Variants in DLGAP4 observed in about 807,000 individuals in gnomAD.
DLGAP4 encodes DLG associated protein 4.
DLGAP4 carries 18 observed loss-of-function variants against 86.9 expected under a neutral mutation model. That is an observed-to-expected ratio of 0.21 (90% CI 0.14 to 0.31). The LOEUF (loss-of-function observed/expected upper bound fraction) is 0.31. DLGAP4 is among the 10% of genes least tolerant of loss of function. The probability of loss-of-function intolerance (pLI) is 1.00; values close to 1 mark genes in which losing one functional copy is unlikely to be tolerated. For synonymous variants in DLGAP4, 548 were observed against 574.3 expected, an observed-to-expected ratio of 0.95 and a Z score of 0.65; for missense variants, 1,085 against 1,362.6, an observed-to-expected ratio of 0.80 and a Z score of 3.21.
rs376605518 is a variant in DLGAP4 at position 36,478,401 on chromosome 20, T to C, written c.1649-18304T>C. 2.3e-4 allele frequency among the ~76,000 whole-genome samples: 35 copies of C among 152,342 alleles called. 1 individual carries two copies. The East Asian group carries it at 6.0e-3, about 26-fold the overall frequency. On this transcript the variant is annotated intron_variant, in intron 7 of 12. Transcript: ENST00000339266. ...GGAAAGGACTATGAAGGGCAATTGATGTCACAGGTCTCTTTGTGAGAGCAG... is the reference window on the plus strand; with the variant it reads ...GGAAAGGACTATGAAGGGCAATTGACGTCACAGGTCTCTTTGTGAGAGCAG...
chr20:36,479,427 CAG>C lies in DLGAP4; in HGVS notation c.1649-17277_1649-17276del, dbSNP rs574523155. On this transcript the variant is annotated intron_variant, in intron 7 of 12. Transcript: ENST00000339266. ...GATGCCACCCTGCCTTCAGGAGGCT[CAG>C]GGTCTAAAGGAGGAAGCAGAAAAGT... Among the ~76,000 whole-genome samples, 14 of 152,134 alleles carry C rather than the reference CAG, an allele frequency of 9.2e-5. No individual in the cohort carries two copies. The East Asian group carries it at 2.7e-3, about 29-fold the overall frequency.
At chr20:36,312,373 A>ACG (rs1404365065) in intron 1 of DLGAP4, among the ~76,000 whole-genome samples, 52 of 149,366 alleles carry the variant, frequency 3.5e-4, no homozygotes, top group African/African-American at 1.2e-3. Context: ...GCGCGAACAC[A>ACG]CGCACACACA....
At chr20:36,339,650 G>C (rs151169726) in intron 1 of DLGAP4, among the ~76,000 whole-genome samples, 1 of 152,340 alleles carries the variant, frequency 6.6e-6, no homozygotes, top group East Asian at 1.9e-4. Context: ...GCCCAACCCA[G>C]TGTGTGTTTT....
chr20:36,360,257 C>T (rs1400855455), intron 1 of DLGAP4, among the ~76,000 whole-genome samples: 2 of 152,178 alleles, frequency 1.3e-5, no homozygotes, highest in Non-Finnish European at 2.9e-5. Context: ...GGTATCTGAC[C>T]CCAGGCTGTT....
chr20:36,440,750 C>T (rs2033423928), intron 5 of DLGAP4, among the ~76,000 whole-genome samples: 1 of 152,010 alleles, frequency 6.6e-6, no homozygotes, highest in Non-Finnish European at 1.5e-5. Context: ...AAAAGGCACC[C>T]CCCATCGTGT....
chr20:36,526,131 C>A, intron 12 of DLGAP4, 125 bp downstream of exon 12: 1 of 1,392,720 alleles, frequency 7.2e-7, no homozygotes, highest in Non-Finnish European at 1.0e-6. Context: ...TGGGGTCTCA[C>A]ATCCATCACT....
intron 1 of DLGAP4, among the ~76,000 whole-genome samples, chr20:36,361,224 C>T (rs1275734034): frequency 7.9e-5 from 12 of 152,206 alleles, no homozygotes; most frequent in Admixed American, 6.5e-4. Flanking sequence ...GAGGGAACTC[C>T]GTCAGTGCTA....
At chr20:36,429,136 G>A (rs191228564) in intron 2 of DLGAP4, among the ~76,000 whole-genome samples, 22 of 152,310 alleles carry the variant, frequency 1.4e-4, no homozygotes, top group African/African-American at 4.1e-4. Context: ...CTGGAGTGCA[G>A]TGGCACAATC....
chr20:36,372,684 A>C lies in DLGAP4; in HGVS notation c.-73+5409A>C, dbSNP rs552362179. Among the ~76,000 whole-genome samples the C allele has an allele frequency of 2.0e-5, 3 of 152,334 alleles. No individual in the cohort carries two copies. The South Asian group carries it at 6.2e-4, about 32-fold the overall frequency. On this transcript the variant is annotated intron_variant, in intron 2 of 12. Coordinates refer to ENST00000339266, the MANE Select transcript of DLGAP4 (RefSeq NM_001365621.2). ...CATAAATAATCCGGCAACTGCAAACATATGCATTTTGCAAGTAAGTTCACT... is the reference window on the plus strand; with the variant it reads ...CATAAATAATCCGGCAACTGCAAACCTATGCATTTTGCAAGTAAGTTCACT...
intron 7 of DLGAP4, among the ~76,000 whole-genome samples, chr20:36,479,779 C>T (rs563168841): frequency 2.6e-5 from 4 of 152,088 alleles, no homozygotes; most frequent in African/African-American, 9.6e-5. Context: ...AGTGCGGTGT[C>T]GAGGGGCTGG....
At chr20:36,315,598 G>A (rs1380262255) in intron 1 of DLGAP4, among the ~76,000 whole-genome samples, 1 of 152,042 alleles carries the variant, frequency 6.6e-6, no homozygotes, top group African/African-American at 2.4e-5. Context: ...AAAGCCAGTG[G>A]CCATCACTGA....
At chr20:36,521,482 C>T (rs1314297311) in intron 10 of DLGAP4, among the ~76,000 whole-genome samples, 1 of 152,300 alleles carries the variant, frequency 6.6e-6, no homozygotes, top group African/African-American at 2.4e-5. Flanking sequence ...AAGCCAGACA[C>T]AGGTCCCCAC....
intron 1 of DLGAP4, among the ~76,000 whole-genome samples, chr20:36,330,245 C>T (rs2147357185): frequency 6.6e-6 from 1 of 152,208 alleles, no homozygotes; most frequent in African/African-American, 2.4e-5. Context: ...ATGGGCCAGG[C>T]CAGAGGAGGG....
chr20:36,467,017 CCT>C (rs55778929), intron 7 of DLGAP4, among the ~76,000 whole-genome samples: 3,366 of 50,266 alleles, frequency 0.067, 217 homozygotes, highest in South Asian at 0.13. Flanking sequence ...CTCTCTCTCT[CCT>C]CTCTCTCTCT....
At chr20:36,509,519 CG>C (rs1355489985) in intron 10 of DLGAP4, among the ~76,000 whole-genome samples, 10 of 151,696 alleles carry the variant, frequency 6.6e-5, no homozygotes, top group Non-Finnish European at 1.3e-4. Context: ...TGCACTGAGC[CG>C]AGATCACACC....
intron 10 of DLGAP4, among the ~76,000 whole-genome samples, chr20:36,517,087 A>G (rs565699793): frequency 2.6e-5 from 4 of 151,582 alleles, no homozygotes; most frequent in Non-Finnish European, 5.9e-5. Flanking sequence ...TTAAAAAAAA[A>G]GAAAGAAAAG....
intron 10 of DLGAP4, among the ~76,000 whole-genome samples, chr20:36,504,123 GTTT>G (rs1365288688): frequency 7.2e-5 from 11 of 152,020 alleles, no homozygotes; most frequent in Non-Finnish European, 1.6e-4. Context: ...CCTTTTAACT[GTTT>G]TTAAGTGTGC....
chr20:36,491,856 C>G (rs572951694), intron 7 of DLGAP4, among the ~76,000 whole-genome samples: 1 of 152,206 alleles, frequency 6.6e-6, no homozygotes, highest in African/African-American at 2.4e-5. Flanking sequence ...TTATTGAGAG[C>G]CTTTGTGCTT....
chr20:36,412,673 C>T (rs1409495893), intron 2 of DLGAP4, among the ~76,000 whole-genome samples: 3 of 152,142 alleles, frequency 2.0e-5, no homozygotes, highest in South Asian at 4.1e-4. Context: ...AAAGTGCTTA[C>T]GTGTATGTAG....
Sources: allele counts gnomAD v4.1 joint callset (sites outside exome capture counted in the v4.1 genomes callset), GRCh38; gene constraint gnomAD v4.1.1; transcripts MANE v1.5; gene names NCBI Gene and HGNC (gene_info 2026-07-23, HGNC 2026-07-21).